The following GJA5 variants were observed in gnomAD, a reference collection of about 807,000 sequenced individuals.
GJA5 encodes the protein gap junction protein alpha 5, also known as gap junction alpha-5 protein.
GJA5 carries 3 observed loss-of-function variants against 7.9 expected under a neutral mutation model. The observed-to-expected ratio is 0.38, with a 90% CI of 0.17 to 0.99. The LOEUF (loss-of-function observed/expected upper bound fraction) is 0.99. GJA5 is among the 50% of genes least tolerant of loss of function. GJA5 has a pLI of 0.38. For synonymous variants in GJA5, 193 were observed against 181.0 expected, an observed-to-expected ratio of 1.07 and a Z score of -0.53; for missense variants, 390 against 457.9, an observed-to-expected ratio of 0.85 and a Z score of 1.35.
chr1:147,765,317 A>T (rs587689407), upstream of GJA5, among the ~76,000 whole-genome samples: 2 of 152,306 alleles, frequency 1.3e-5, no homozygotes, highest in East Asian at 1.9e-4. Flanking sequence ...AAACATATAA[A>T]AGTGATTCGT....
At chr1:147,772,056 A>G (rs960623417) in intron 1 of GJA5, among the ~76,000 whole-genome samples, 3 of 152,152 alleles carry the variant, frequency 2.0e-5, no homozygotes, top group African/African-American at 7.2e-5. Flanking sequence ...AGCACCAGGC[A>G]GTCAGAGGCG....
Position 147,759,753 on chromosome 1 carries a change from T to C in GJA5, c.-33-482A>G, listed in dbSNP as rs587670433. 5.9e-5 allele frequency among the ~76,000 whole-genome samples: 9 copies of C among 152,342 alleles called. No individual in the cohort carries two copies. The South Asian group carries it at 1.9e-3, about 32-fold the overall frequency. On this transcript the variant is annotated intron_variant, in intron 1 of 1. Coordinates refer to ENST00000579774, the MANE Select transcript of GJA5 (RefSeq NM_181703.4). ...CTCACTGAGTCTGTTTCTTCATTTA[T>C]CGAATGGGGATGGGAATAGCTACAC...
At position 147,758,632 on chromosome 1, in the gene GJA5, C is replaced by T. The variant is rs1461177850; in HGVS notation, c.607G>A (p.Glu203Lys). ...ATAAAGACAATGAAGACATTCTTCT[C>T]TGTGGGCCGGGATACGTAACAGTTG... ...PVNCYVSRPT[E>K]KNVFIVFMLA... The change falls in exon 2 of 2, where the codon GAG becomes AAG. Residue 203 changes from glutamate to lysine, a missense_variant. Around this residue, in one of 2 missense-constraint regions of GJA5, gnomAD observed 354 missense variants for 370.9 expected, o/e 0.95. Coordinates refer to ENST00000579774, the MANE Select transcript of GJA5 (RefSeq NM_181703.4). 13 of 1,614,150 alleles carry T rather than the reference C, an allele frequency of 8.1e-6. No homozygotes were observed. The highest frequency in any genetic ancestry group is 1.1e-5 in the Non-Finnish European group (13 of 1,179,986).
upstream of GJA5, among the ~76,000 whole-genome samples, chr1:147,764,910 T>C (rs1254644251): frequency 6.6e-6 from 1 of 152,128 alleles, no homozygotes; most frequent in African/African-American, 2.4e-5. Context: ...ATGGGTAGTA[T>C]GCTTCTCAAA....
upstream of GJA5, among the ~76,000 whole-genome samples, chr1:147,765,040 G>A (rs1553227987): frequency 6.6e-6 from 1 of 152,042 alleles, no homozygotes; most frequent in Non-Finnish European, 1.5e-5. Context: ...ATTGCAAAGA[G>A]GTCCTAAGGA....
chr1:147,763,578 C>G (rs1476057038), upstream of GJA5, among the ~76,000 whole-genome samples: 1 of 152,112 alleles, frequency 6.6e-6, no homozygotes, highest in Admixed American at 6.6e-5. Context: ...TTCTTCACTC[C>G]CAAACCTTCA....
In GJA5 at chr1:147,758,072, A is replaced by G. The variant is rs947430912; in HGVS notation, c.*90T>C. The G allele has an allele frequency of 7.7e-6, 7 of 911,650 alleles. No homozygotes were observed. The highest frequency in any genetic ancestry group is 6.8e-5 in the Admixed American group (4 of 58,900). 56.5% of individuals were successfully genotyped at this position (911,650 alleles called of 1,614,324 possible). The stretch of plus-strand genomic sequence containing the variant: ...CTCAAAGGAGCCAAGCAGTGATGAC[A>G]GTGAGAAAGCATCAGTTCAGAAGGG... On this transcript the variant is annotated 3_prime_UTR_variant, in exon 2 of 2. Transcript: ENST00000579774.
At position 147,757,897 on chromosome 1, in the gene GJA5, C is replaced by T. The variant is rs952534329; in HGVS notation, c.*265G>A. 2.7e-5 allele frequency: 14 copies of T among 512,502 alleles called. No individual in the cohort carries two copies. Among genetic ancestry groups the T allele is most frequent in the African/African-American group, 2.5e-4 (13 of 51,982 alleles). 31.7% of individuals were successfully genotyped at this position (512,502 alleles called of 1,614,324 possible). ...GCCATGCTTCCCTTCTTTCCCTCTA[C>T]CCTGTTTCATGAGTAATCTGAAAGG... On this transcript the variant is annotated 3_prime_UTR_variant, in exon 2 of 2. Transcript: ENST00000579774.
In GJA5 at chr1:147,759,249, C is replaced by A. The variant is rs1553227123; in HGVS notation, c.-11G>T. The A allele has an allele frequency of 6.3e-7, 1 of 1,583,772 alleles. No individual in the cohort carries two copies. The highest frequency in any genetic ancestry group is 1.7e-5 in the Admixed American group (1 of 59,970). ...GCTCCAATCGCCCATCTTGGCACAG[C>A]CAGGGAACAGATGCCAAAACTTCTG... On this transcript the variant is annotated 5_prime_UTR_variant, in exon 2 of 2. Transcript: ENST00000579774.
chr1:147,766,733 A>G (rs1361014188), intron 1 of GJA5, among the ~76,000 whole-genome samples: 3 of 152,186 alleles, frequency 2.0e-5, no homozygotes, highest in African/African-American at 7.2e-5. Context: ...ACAACGACAC[A>G]TGTTCTGGAC....
At chr1:147,761,846 A>C (rs1664030502), upstream of GJA5, among the ~76,000 whole-genome samples, 1 of 152,222 alleles carries the variant, frequency 6.6e-6, no homozygotes, top group South Asian at 2.1e-4. Context: ...AGGAATAAAA[A>C]GAAGAGAAGA....
intron 1 of GJA5, among the ~76,000 whole-genome samples, chr1:147,767,917 T>C (rs1225227725): frequency 6.6e-6 from 1 of 152,238 alleles, no homozygotes; most frequent in Non-Finnish European, 1.5e-5. Context: ...GAGATCATTG[T>C]TCGGATAGGG....
rs1400562679 is a variant in GJA5 at position 147,760,187 on chromosome 1, T to C, written c.-34+312A>G. Among the ~76,000 whole-genome samples the C allele has an allele frequency of 2.0e-5, 3 of 152,084 alleles. No homozygotes were observed. In the East Asian group the frequency reaches 5.8e-4, roughly 29 times the overall value. ...TTTCTGTGTCTCATTTAAATAAGGT[T>C]CCCACACACAGATCTGCCCACCCTT... On this transcript the variant is annotated intron_variant, in intron 1 of 1. Transcript: ENST00000579774.
upstream of GJA5, among the ~76,000 whole-genome samples, chr1:147,763,643 C>T (rs1664096313): frequency 6.6e-6 from 1 of 152,114 alleles, no homozygotes; most frequent in African/African-American, 2.4e-5. Flanking sequence ...GGAGGGGCCA[C>T]TAGGAAACTT....
chr1:147,768,417 G>A (rs922117296), intron 1 of GJA5, among the ~76,000 whole-genome samples: 2 of 152,126 alleles, frequency 1.3e-5, no homozygotes, highest in Non-Finnish European at 2.9e-5. Context: ...TATGAAAAGT[G>A]AAAGAAAGGG....
intron 1 of GJA5, among the ~76,000 whole-genome samples, chr1:147,769,695 T>C (rs781854379): frequency 6.8e-4 from 103 of 152,010 alleles, no homozygotes; most frequent in Non-Finnish European, 1.3e-3. Context: ...CTGTCAGAGA[T>C]GGGAAAAACA....
intron 1 of GJA5, among the ~76,000 whole-genome samples, chr1:147,768,127 T>C (rs1438634001): frequency 1.3e-5 from 2 of 152,090 alleles, no homozygotes; most frequent in Non-Finnish European, 2.9e-5. Context: ...ACCTTGTTCA[T>C]TGTAGAGGGG....
At chr1:147,771,585 G>C (rs1557951844) in intron 1 of GJA5, among the ~76,000 whole-genome samples, 1 of 152,208 alleles carries the variant, frequency 6.6e-6, no homozygotes, top group East Asian at 1.9e-4. Flanking sequence ...TAAGAACAGT[G>C]ACCAGCTTCA....
intron 1 of GJA5, among the ~76,000 whole-genome samples, chr1:147,771,854 C>T (rs1289031231): frequency 1.3e-5 from 2 of 152,136 alleles, no homozygotes; most frequent in East Asian, 1.9e-4. Flanking sequence ...ACAGCTCTGC[C>T]GCCGGGCAAC....
Sources: allele counts gnomAD v4.1 joint callset (sites outside exome capture counted in the v4.1 genomes callset), GRCh38; gene constraint gnomAD v4.1.1; regional missense constraint gnomAD v4.1.1; transcripts MANE v1.5; gene names NCBI Gene and HGNC (gene_info 2026-07-23, HGNC 2026-07-21).